Variants in ZFYVE28 observed in about 807,000 individuals in gnomAD.
ZFYVE28 encodes the protein zinc finger FYVE-type containing 28, also known as lateral signaling target protein 2 homolog.
Under a neutral mutation model 82.1 loss-of-function variants are expected in ZFYVE28, and 40 were observed. The observed-to-expected ratio is 0.49, with a 90% CI of 0.38 to 0.63. ZFYVE28 has a LOEUF of 0.63. Among genes scored for constraint, ZFYVE28 ranks in the 30% least tolerant of loss-of-function variants. ZFYVE28 has a pLI of 0.00. For synonymous variants in ZFYVE28, 612 were observed against 546.1 expected (o/e 1.12, Z -1.68); for missense variants, 1,321 against 1,242.1 (o/e 1.06, Z -0.96).
intron 6 of ZFYVE28, chr4:2,330,958 G>A (rs931577720): frequency 5.2e-6 from 8 of 1,535,240 alleles, no homozygotes; most frequent in African/African-American, 1.4e-5. Context: ...GTGGATGGGT[G>A]AGGGCCCCTG....
Position 2,358,741 on chromosome 4 carries a change from T to C in ZFYVE28, c.40-4668A>G, listed in dbSNP as rs76985473. 2.5e-3 allele frequency among the ~76,000 whole-genome samples: 387 copies of C among 152,200 alleles called. 8 individuals carry two copies. In the East Asian group the frequency reaches 0.059, roughly 23 times the overall value. The stretch of plus-strand genomic sequence containing the variant: ...TGACCACACCCCCCAAATTCAAACA[T>C]TGAAGTCCTAACCCCCAGGACTCAG... On this transcript the variant is annotated intron_variant, in intron 1 of 12. Transcript: ENST00000290974.
Position 2,324,167 on chromosome 4 carries a change from C to A in ZFYVE28, c.702-3896G>T, listed in dbSNP as rs138725716. 2.9e-3 allele frequency among the ~76,000 whole-genome samples: 438 copies of A among 152,186 alleles called. 2 individuals are homozygous for A. The highest frequency in any genetic ancestry group is 1.0e-2 in the African/African-American group (415 of 41,518). On this transcript the variant is annotated intron_variant, in intron 6 of 12. Transcript: ENST00000290974. ...GAAAGTCCAAATTCTGCTGGGAACCCGGAGAAGAGTTGACACGGCAGCTCC... is the reference window on the plus strand; with the variant it reads ...GAAAGTCCAAATTCTGCTGGGAACCAGGAGAAGAGTTGACACGGCAGCTCC...
intron 1 of ZFYVE28, among the ~76,000 whole-genome samples, chr4:2,366,934 C>T (rs753847683): frequency 5.9e-5 from 9 of 152,186 alleles, no homozygotes; most frequent in Non-Finnish European, 8.8e-5. Flanking sequence ...CCAAGCCAGA[C>T]GCAAAGCTGG....
chr4:2,310,749 A>C (rs922187190), intron 7 of ZFYVE28, among the ~76,000 whole-genome samples: 1 of 152,212 alleles, frequency 6.6e-6, no homozygotes, highest in African/African-American at 2.4e-5. Flanking sequence ...GATTGCAGTG[A>C]GTCTAGATTG....
chr4:2,304,826 G>C lies in ZFYVE28; in HGVS notation c.1514C>G (p.Ala505Gly), dbSNP rs1716282608. 1.2e-6 allele frequency: 2 copies of C among 1,612,652 alleles called. No homozygotes were observed. Among genetic ancestry groups the C allele is most frequent in the Non-Finnish European group, 8.5e-7 (1 of 1,179,934 alleles). ...ADDAETAEMI[A>G]HRTGGMKLSA... Reference sequence around the variant, plus strand: ...GAGCTTCATGCCCCCTGTCCGGTGGGCGATCATCTCAGCCGTCTCTGCGTC... The same window carrying C: ...GAGCTTCATGCCCCCTGTCCGGTGGCCGATCATCTCAGCCGTCTCTGCGTC... Residue 505 changes from alanine to glycine, a missense_variant, in exon 8 of 13, where the codon GCC becomes GGC. Ala to Gly is a moderately conservative substitution (Grantham distance 60). Transcript: ENST00000290974.
At chr4:2,337,679 C>T (rs1165461211) in intron 4 of ZFYVE28, among the ~76,000 whole-genome samples, 183 bp from the exon 5 acceptor site, 5 of 151,884 alleles carry the variant, frequency 3.3e-5, no homozygotes, top group African/African-American at 7.2e-5. Context: ...CCCAGGAGTT[C>T]GAGGCACCAC....
chr4:2,363,681 G>A (rs564304507), intron 1 of ZFYVE28, among the ~76,000 whole-genome samples: 1 of 152,320 alleles, frequency 6.6e-6, no homozygotes, highest in African/African-American at 2.4e-5. Flanking sequence ...CCAGCGCATG[G>A]AGGACTAAAC....
At chr4:2,284,888 G>A (rs1712489052) in intron 8 of ZFYVE28, among the ~76,000 whole-genome samples, 1 of 152,192 alleles carries the variant, frequency 6.6e-6, no homozygotes, top group Non-Finnish European at 1.5e-5. Flanking sequence ...GTCTAGTACG[G>A]CAAGGATTTA....
chr4:2,291,816 A>G (rs886900209), intron 8 of ZFYVE28, among the ~76,000 whole-genome samples: 2 of 152,306 alleles, frequency 1.3e-5, no homozygotes, highest in Middle Eastern at 3.4e-3. Flanking sequence ...GGTGGGCCCC[A>G]GCGTCTGTGC....
rs750408287 is a variant in ZFYVE28 at position 2,302,271 on chromosome 4, G to A, written c.2051+2018C>T. Reference sequence around the variant, plus strand: ...GGCAGGGGAGAAAAAGGTTCCTTCAGACAGACTTCTCTGGGTCTATCTTAT... The same window carrying A: ...GGCAGGGGAGAAAAAGGTTCCTTCAAACAGACTTCTCTGGGTCTATCTTAT... On this transcript the variant is annotated intron_variant, in intron 8 of 12. Transcript: ENST00000290974. Among the ~76,000 whole-genome samples the A allele has an allele frequency of 3.2e-4, 49 of 152,374 alleles. 1 individual carries two copies. Among genetic ancestry groups the A allele is most frequent in the Non-Finnish European group, 5.4e-4 (37 of 68,036 alleles).
In ZFYVE28 at chr4:2,341,351, G is replaced by C; in HGVS notation, c.318+127C>G. On this transcript the variant is annotated intron_variant, in intron 3 of 12. Transcript: ENST00000290974. This position sits in a 1 kb window ranked among gnomAD's most constrained non-coding sequence, Gnocchi z 4.5. The stretch of plus-strand genomic sequence containing the variant: ...CTCAGACCACACCACGTAACCCAGA[G>C]TGGACGGAGCTCTTGGAGGAGACAC... 7.5e-7 allele frequency: 1 copy of C among 1,332,930 alleles called. No individual in the cohort carries two copies. Among genetic ancestry groups the C allele is most frequent in the Non-Finnish European group, 1.0e-6 (1 of 965,838 alleles). The allele number at this position is 1,332,930 out of a possible 1,614,324, so 82.6% of individuals were successfully genotyped here. A position where few individuals can be genotyped will look rare whatever the true frequency, so the allele number is the denominator to read the frequency against.
intron 8 of ZFYVE28, among the ~76,000 whole-genome samples, chr4:2,283,562 C>T (rs1012404094): frequency 6.6e-6 from 1 of 151,494 alleles, no homozygotes; most frequent in African/African-American, 2.4e-5. Flanking sequence ...ATCCAACCAT[C>T]CAACCGTCCA....
Position 2,305,393 on chromosome 4 carries a change from G to T in ZFYVE28, c.947C>A (p.Pro316His), listed in dbSNP as rs147034179. ...GGCCTTAGCTGAGAGTGGCCCCTCA[G>T]GGGGGAGAGGGGCAGAGAGGGCAGG... Reference protein sequence around the residue: ...LAPALSAPLPPEGPLSAKAKD... With the variant: ...LAPALSAPLPHEGPLSAKAKD... The change falls in exon 8 of 13, where the codon CCT becomes CAT. Residue 316 changes from proline (P) to histidine (H), a missense_variant. By Grantham distance (77) the Pro-to-His change is moderately conservative (BLOSUM62 -2). This residue lies in a region of ZFYVE28 where 978 missense variants were observed against 833.7 expected (regional missense o/e 1.17). Coordinates refer to ENST00000290974, the MANE Select transcript of ZFYVE28 (RefSeq NM_020972.3). 1.8e-5 allele frequency: 29 copies of T among 1,612,578 alleles called. No homozygotes were observed. The African/African-American group carries it at 3.5e-4, about 19-fold the overall frequency.
chr4:2,296,573 G>A (rs1158559118), intron 8 of ZFYVE28, among the ~76,000 whole-genome samples: 1 of 152,030 alleles, frequency 6.6e-6, no homozygotes, highest in Non-Finnish European at 1.5e-5. Flanking sequence ...TGAAGTGGGT[G>A]GAAGGTCTCG....
chr4:2,283,183 T>A (rs905067686), intron 8 of ZFYVE28, among the ~76,000 whole-genome samples: 2 of 146,462 alleles, frequency 1.4e-5, no homozygotes, highest in African/African-American at 5.0e-5. Context: ...CATCCATTCA[T>A]CTACCCATCC....
chr4:2,358,786 G>A (rs901396707), intron 1 of ZFYVE28, among the ~76,000 whole-genome samples: 1 of 151,998 alleles, frequency 6.6e-6, no homozygotes, highest in South Asian at 2.1e-4. Context: ...ATGTGACTGT[G>A]TTTGGAAACA....
chr4:2,345,021 C>A (rs923392570), intron 2 of ZFYVE28, among the ~76,000 whole-genome samples: 1 of 151,916 alleles, frequency 6.6e-6, no homozygotes, highest in South Asian at 2.1e-4. Context: ...ACCATCCTGG[C>A]TAACACAGTG....
chr4:2,378,215 C>T (rs1728365273), intron 1 of ZFYVE28, among the ~76,000 whole-genome samples: 1 of 152,230 alleles, frequency 6.6e-6, no homozygotes, highest in Non-Finnish European at 1.5e-5. Flanking sequence ...GTAGTGCACG[C>T]CTGCAGTCCC....
rs1265258458 is a variant in ZFYVE28, at chr4:2,414,099, T to G, written c.39+4186A>C. 2.0e-5 allele frequency among the ~76,000 whole-genome samples: 3 copies of G among 152,082 alleles called. No individual in the cohort carries two copies. The East Asian group carries it at 5.8e-4, about 29-fold the overall frequency. On this transcript the variant is annotated intron_variant, in intron 1 of 12. Transcript: ENST00000290974. ...CACTTCGTTTCCAGGGTGCCGCCCC[T>G]CTCAACCAGGTGGCCAAGGTACAGA...
Sources: gnomAD v4.1 joint callset for allele counts (sites outside exome capture counted in the v4.1 genomes callset) on GRCh38, gnomAD v4.1.1 for gene constraint, gnomAD v4.1.1 regional missense constraint, Gnocchi (gnomAD v3.1) non-coding constraint, MANE v1.5 for transcripts, NCBI Gene and HGNC (gene_info 2026-07-23, HGNC 2026-07-21) for gene names.